Variants in SUGCT observed in about 807,000 individuals in gnomAD.
The protein encoded by SUGCT is succinyl-CoA:glutarate CoA-transferase.
SUGCT carries 41 observed loss-of-function variants against 55.0 expected under a neutral mutation model. The observed-to-expected ratio is 0.74, with a 90% confidence interval of 0.58 to 0.97. The LOEUF (loss-of-function observed/expected upper bound fraction) is 0.97, where lower values mean the gene tolerates loss of function less well. Ranked by LOEUF, SUGCT falls within the 50% of genes least tolerant of loss-of-function variation. The pLI, the probability that SUGCT is intolerant of heterozygous loss-of-function variation, is 0.00. For missense variants in SUGCT, 568 were observed against 547.8 expected, an observed-to-expected ratio of 1.04 and a Z score of -0.37; for synonymous variants, 187 against 200.4, an observed-to-expected ratio of 0.93 and a Z score of 0.56.
intron 12 of SUGCT, among the ~76,000 whole-genome samples, chr7:40,588,589 C>T (rs1797534470): frequency 6.6e-6 from 1 of 152,158 alleles, no homozygotes; most frequent in Non-Finnish European, 1.5e-5. Flanking sequence ...TAATAAAGAA[C>T]TATAAACAAT....
intron 5 of SUGCT, among the ~76,000 whole-genome samples, chr7:40,191,685 C>G (rs1452663719): frequency 2.0e-5 from 3 of 152,206 alleles, no homozygotes; most frequent in African/African-American, 7.2e-5. Flanking sequence ...AGGTGGGAAC[C>G]ACCATGGCCA....
Position 40,473,455 on chromosome 7 carries a change from C to T in SUGCT, c.986+14257C>T, listed in dbSNP as rs867192218. On this transcript the variant is annotated intron_variant, in intron 11 of 13. Coordinates refer to ENST00000335693, the MANE Select transcript of SUGCT (RefSeq NM_001193313.2). The stretch of plus-strand genomic sequence containing the variant: ...GTTAAGATTGCATTTAGTATACTCT[C>T]TTAAGTAGCCTTTATTTTTCCCACT... Among the ~76,000 whole-genome samples, 21 of 152,252 alleles carry T rather than the reference C, an allele frequency of 1.4e-4. 1 individual carries two copies. The South Asian group carries it at 1.9e-3, about 14-fold the overall frequency.
chr7:40,441,658 C>G (rs747312381), intron 9 of SUGCT, among the ~76,000 whole-genome samples: 1 of 152,072 alleles, frequency 6.6e-6, no homozygotes, highest in Non-Finnish European at 1.5e-5. Context: ...TTGCCTGTTG[C>G]AGAGATGGAG....
chr7:40,899,738 TATTTA>T, the SUGCT span, among the ~76,000 whole-genome samples: 34 of 152,186 alleles, frequency 2.2e-4, no homozygotes, highest in African/African-American at 7.9e-4. Flanking sequence ...ACCTACTGTA[TATTTA>T]ATTTAAAGAG....
chr7:40,951,971 G>A, the SUGCT span, among the ~76,000 whole-genome samples: 20 of 152,212 alleles, frequency 1.3e-4, no homozygotes, highest in East Asian at 1.9e-4. Flanking sequence ...TTTTAGGTCC[G>A]CTTGGTGCAG....
At chr7:40,518,893 A>G (rs1356355012) in intron 12 of SUGCT, among the ~76,000 whole-genome samples, 1 of 152,136 alleles carries the variant, frequency 6.6e-6, no homozygotes, top group African/African-American at 2.4e-5. Context: ...TCAAAAGAAT[A>G]AAATAAATAT....
intron 6 of SUGCT, among the ~76,000 whole-genome samples, chr7:40,231,923 C>T (rs1788745760): frequency 6.6e-6 from 1 of 152,130 alleles, no homozygotes. Flanking sequence ...AACAAAGCAA[C>T]ACCACATCTC....
chr7:40,809,481 A>C (rs183696251), intron 13 of SUGCT, among the ~76,000 whole-genome samples: 23 of 152,202 alleles, frequency 1.5e-4, no homozygotes, highest in African/African-American at 5.3e-4. Context: ...TTATTTTTCT[A>C]CCATCAGCAG....
chr7:40,919,858 C>A, the SUGCT span, among the ~76,000 whole-genome samples: 1 of 152,320 alleles, frequency 6.6e-6, no homozygotes, highest in East Asian at 1.9e-4. Flanking sequence ...CACAGCCTGA[C>A]TCCTCCTGAT....
chr7:40,757,145 C>T (rs1345066328), intron 13 of SUGCT, among the ~76,000 whole-genome samples: 1 of 152,092 alleles, frequency 6.6e-6, no homozygotes, highest in Non-Finnish European at 1.5e-5. Context: ...GGGTAGTAGA[C>T]ATTGTTACTG....
At chr7:40,272,661 ATTATTT>A (rs1792160368) in intron 7 of SUGCT, among the ~76,000 whole-genome samples, 1 of 138,088 alleles carries the variant, frequency 7.2e-6, no homozygotes. Flanking sequence ...TATTATTATT[ATTATTT>A]TTTTTTTTTT....
intron 1 of SUGCT, among the ~76,000 whole-genome samples, chr7:40,150,213 T>C (rs1788483827): frequency 6.6e-6 from 1 of 152,234 alleles, no homozygotes; most frequent in Non-Finnish European, 1.5e-5. Context: ...ATGGATCAGC[T>C]GGCCCCACCT....
chr7:40,803,720 C>A (rs1021763295), intron 13 of SUGCT, among the ~76,000 whole-genome samples: 5 of 152,232 alleles, frequency 3.3e-5, no homozygotes, highest in Non-Finnish European at 5.9e-5. Flanking sequence ...GACACAAATT[C>A]TTTGAGTAAC....
chr7:40,701,852 C>T (rs971719345), intron 12 of SUGCT, among the ~76,000 whole-genome samples: 2 of 152,168 alleles, frequency 1.3e-5, no homozygotes, highest in Admixed American at 1.3e-4. Flanking sequence ...CTTATGTGGC[C>T]TAGAGCCAGA....
At chr7:40,433,256 A>G (rs1258360538) in intron 9 of SUGCT, among the ~76,000 whole-genome samples, 1 of 151,350 alleles carries the variant, frequency 6.6e-6, no homozygotes, top group Non-Finnish European at 1.5e-5. Context: ...ATTATTTGTC[A>G]GGTAATTGAT....
intron 7 of SUGCT, among the ~76,000 whole-genome samples, chr7:40,264,418 T>G (rs1202836710): frequency 6.6e-6 from 1 of 152,184 alleles, no homozygotes; most frequent in African/African-American, 2.4e-5. Flanking sequence ...TAAGCATATT[T>G]TTAGTATCAA....
At chr7:40,614,319 T>G (rs887033875) in intron 12 of SUGCT, among the ~76,000 whole-genome samples, 3 of 152,198 alleles carry the variant, frequency 2.0e-5, no homozygotes, top group African/African-American at 7.2e-5. Context: ...TAAAGACATG[T>G]ACTGCTTTAT....
intron 6 of SUGCT, among the ~76,000 whole-genome samples, chr7:40,213,630 C>G (rs894010180): frequency 6.6e-6 from 1 of 152,144 alleles, no homozygotes; most frequent in African/African-American, 2.4e-5. Flanking sequence ...AGCTTCACCT[C>G]CTGAGGAGGT....
chr7:40,255,660 CAAAAAAAAAAA>C (rs70996898), intron 7 of SUGCT, among the ~76,000 whole-genome samples: 3 of 54,192 alleles, frequency 5.5e-5, no homozygotes, highest in African/African-American at 8.5e-5. Flanking sequence ...GACTCTGTAT[CAAAAAAAAAAA>C]AAAAAAAAAA....
Sources: allele counts gnomAD v4.1 joint callset (sites outside exome capture counted in the v4.1 genomes callset), GRCh38; gene constraint gnomAD v4.1.1; transcripts MANE v1.5; gene names NCBI Gene and HGNC (gene_info 2026-07-23, HGNC 2026-07-21).